PTCD2: variants seen among roughly 807,000 people sequenced by gnomAD.
PTCD2 encodes pentatricopeptide repeat domain 2, also known as pentatricopeptide repeat-containing protein 2, mitochondrial.
PTCD2 carries 31 observed loss-of-function variants against 42.6 expected under a neutral mutation model. That is an observed-to-expected ratio of 0.73 (90% CI 0.55 to 0.98). The LOEUF (loss-of-function observed/expected upper bound fraction) is 0.98, where lower values mean the gene tolerates loss of function less well. Ranked by LOEUF, PTCD2 falls within the 50% of genes least tolerant of loss-of-function variation. PTCD2 has a pLI of 0.00. For missense variants in PTCD2, 476 were observed against 454.8 expected, an observed-to-expected ratio of 1.05 and a Z score of -0.42; for synonymous variants, 183 against 170.9, an observed-to-expected ratio of 1.07 and a Z score of -0.55.
At chr5:72,357,673 T>A (rs1033729174) in intron 9 of PTCD2, among the ~76,000 whole-genome samples, 33 of 152,334 alleles carry the variant, frequency 2.2e-4, no homozygotes, top group Non-Finnish European at 3.7e-4. Context: ...CCTCCTTTAC[T>A]TGGTGTGTTT....
chr5:72,343,912 A>G (rs1296651670), intron 8 of PTCD2, among the ~76,000 whole-genome samples: 1 of 152,174 alleles, frequency 6.6e-6, no homozygotes, highest in Non-Finnish European at 1.5e-5. Context: ...AAAGAAAAAA[A>G]CTTTCAGGAG....
intron 8 of PTCD2, among the ~76,000 whole-genome samples, chr5:72,344,958 A>C (rs1012008060): frequency 6.6e-6 from 1 of 152,198 alleles, no homozygotes; most frequent in African/African-American, 2.4e-5. Context: ...AAAATTGCTA[A>C]TGAAGTTTCG....
chr5:72,322,298 A>G lies in PTCD2; in HGVS notation c.220+34A>G, dbSNP rs758411994. 3.2e-6 allele frequency: 4 copies of G among 1,264,706 alleles called. No individual in the cohort carries two copies. The South Asian group carries it at 3.6e-5, about 11-fold the overall frequency. 78.3% of individuals were successfully genotyped at this position (1,264,706 alleles called of 1,614,324 possible). A position where few individuals can be genotyped will look rare whatever the true frequency, so the allele number is the denominator to read the frequency against. On this transcript the variant is annotated intron_variant, in intron 2 of 9. Transcript: ENST00000380639. ...ATCTATTTTGTTAATTCTGTCATTT[A>G]TCTGTCATTTAAGTTTCTCTGTCTT...
At chr5:72,322,315 C>T (rs777544053) in intron 2 of PTCD2, 51 bp downstream of exon 2, 10 of 1,152,970 alleles carry the variant, frequency 8.7e-6, no homozygotes, top group African/African-American at 1.5e-5. Context: ...ATTTAAGTTT[C>T]TCTGTCTTTA....
chr5:72,358,268 T>C lies in PTCD2; in HGVS notation c.1008T>C (p.Tyr336=). Residue 336 remains tyrosine (Y), a synonymous_variant, in exon 10 of 10, where the codon TAT becomes TAC. Transcript: ENST00000380639. ...TTGTGGCCAAATTTGATGAGATCTA[T>C]GGGACACTGCACATCACTGGCCAGG... ...PALVAKFDEI[Y]GTLHITGQVT... The C allele has an allele frequency of 6.2e-7, 1 of 1,614,138 alleles. No homozygotes were observed. The highest frequency in any genetic ancestry group is 8.5e-7 in the Non-Finnish European group (1 of 1,180,004).
rs1413693549 is a variant in PTCD2, at chr5:72,364,179, A to G, written c.*5752A>G. On this transcript the variant is annotated 3_prime_UTR_variant, in exon 10 of 10. Coordinates refer to ENST00000380639, the MANE Select transcript of PTCD2 (RefSeq NM_024754.5). Reference sequence around the variant, plus strand: ...AAAAAGTGTTCTCAAAAATTAATGGAAATTGGTGTATTCTGATTGAGATAT... The same window carrying G: ...AAAAAGTGTTCTCAAAAATTAATGGGAATTGGTGTATTCTGATTGAGATAT... 1 of 152,250 alleles carries G rather than the reference A, an allele frequency of 6.6e-6. No individual in the cohort carries two copies. Among genetic ancestry groups the G allele is most frequent in the Non-Finnish European group, 1.5e-5 (1 of 68,040 alleles). The allele number at this position is 152,250 out of a possible 1,614,324, so 9.4% of individuals were successfully genotyped here.
chr5:72,345,338 C>T (rs1223257337), intron 8 of PTCD2, among the ~76,000 whole-genome samples: 6 of 152,192 alleles, frequency 3.9e-5, no homozygotes, highest in African/African-American at 1.2e-4. Flanking sequence ...TTGCTGTTAT[C>T]CTGTTCTTTT....
chr5:72,334,316 A>G (rs1372897614), intron 4 of PTCD2, among the ~76,000 whole-genome samples: 1 of 152,364 alleles, frequency 6.6e-6, no homozygotes, highest in Middle Eastern at 3.4e-3. Context: ...TAGTTGTGTG[A>G]GACCCTCCTG....
Position 72,358,328 on chromosome 5 carries a change from C to A in PTCD2, c.1068C>A (p.His356Gln). 1 of 1,614,018 alleles carries A rather than the reference C, an allele frequency of 6.2e-7. No individual in the cohort carries two copies. The highest frequency in any genetic ancestry group is 8.5e-7 in the Non-Finnish European group (1 of 1,179,962). ...ATTCTTTGGATGCTGTGCTCTGCCA[C>A]ACCCCCAGGGACAGGAAATCTCACA... ...TTDSLDAVLC[H>Q]TPRDRKSHTL... is the part of the protein sequence containing the mutation. Residue 356 changes from histidine (H) to glutamine (Q), a missense_variant, in exon 10 of 10, where the codon CAC becomes CAA. Physicochemically the swap from His to Gln is conservative, Grantham distance 24. Transcript: ENST00000380639.
rs749394265 is a variant in PTCD2, at chr5:72,320,397, T to G, written c.15T>G (p.Ser5Arg). 3 of 1,614,108 alleles carry G rather than the reference T, an allele frequency of 1.9e-6. No homozygotes were observed. The highest frequency in any genetic ancestry group is 3.3e-5 in the Admixed American group (2 of 60,030). MVRD[S>R]MAAAFRPSNR... The stretch of plus-strand genomic sequence containing the variant: ...CAGTAGTTGGTATGGTCCGAGACAG[T>G]ATGGCTGCTGCATTTCGGCCCTCGA... The change falls in exon 1 of 10, where the codon AGT becomes AGG. Residue 5 changes from serine to arginine, a missense_variant. Coordinates refer to ENST00000380639, the MANE Select transcript of PTCD2 (RefSeq NM_024754.5).
At chr5:72,329,187 G>C (rs1011921644) in intron 3 of PTCD2, among the ~76,000 whole-genome samples, 1 of 152,106 alleles carries the variant, frequency 6.6e-6, no homozygotes, top group African/African-American at 2.4e-5. Context: ...TTCCTTTACT[G>C]ATGCTAATAA....
intron 8 of PTCD2, among the ~76,000 whole-genome samples, chr5:72,347,983 C>T (rs746452819): frequency 1.3e-5 from 2 of 152,206 alleles, no homozygotes; most frequent in Non-Finnish European, 2.9e-5. Flanking sequence ...GAATCATCCT[C>T]TCTGAACTGC....
chr5:72,330,377 G>A (rs1751382426), intron 3 of PTCD2, among the ~76,000 whole-genome samples: 1 of 152,016 alleles, frequency 6.6e-6, no homozygotes, highest in Non-Finnish European at 1.5e-5. Flanking sequence ...TTTAGCAGAA[G>A]GTAAAAAGTA....
At chr5:72,341,154 C>CT (rs1382116935) in intron 7 of PTCD2, among the ~76,000 whole-genome samples, 2 of 151,892 alleles carry the variant, frequency 1.3e-5, no homozygotes, top group African/African-American at 4.8e-5. Flanking sequence ...GTGTGCCCAG[C>CT]TAAATTTTTG....
chr5:72,339,320 G>C (rs6865133), intron 7 of PTCD2, among the ~76,000 whole-genome samples: 9,055 of 152,248 alleles, frequency 0.059, 857 homozygotes, highest in African/African-American at 0.2. Flanking sequence ...CCTCTCCTGA[G>C]ATTTCCTATT....
intron 6 of PTCD2, among the ~76,000 whole-genome samples, chr5:72,338,129 T>A (rs1231427389): frequency 6.6e-6 from 1 of 152,244 alleles, no homozygotes; most frequent in Non-Finnish European, 1.5e-5. Flanking sequence ...GATTTTTTTT[T>A]AAAGGTTTCT....
chr5:72,354,050 A>G (rs1752745988), intron 9 of PTCD2, among the ~76,000 whole-genome samples: 1 of 152,180 alleles, frequency 6.6e-6, no homozygotes, highest in Non-Finnish European at 1.5e-5. Context: ...AGCAAAGTCA[A>G]GAGGTAAGTA....
intron 2 of PTCD2, among the ~76,000 whole-genome samples, chr5:72,323,617 G>T (rs963474152): frequency 6.6e-6 from 1 of 151,718 alleles, no homozygotes; most frequent in African/African-American, 2.4e-5. Context: ...CCAGATGTTT[G>T]TGAGCTCCTG....
intron 6 of PTCD2, 152 bp from the exon 7 acceptor site, chr5:72,338,470 A>G (rs556325577): frequency 4.9e-6 from 2 of 411,222 alleles, no homozygotes; most frequent in South Asian, 2.0e-4. Flanking sequence ...TGTATTTGCA[A>G]ATAGTCTTTA....
Sources: allele counts gnomAD v4.1 joint callset (sites outside exome capture counted in the v4.1 genomes callset), GRCh38; gene constraint gnomAD v4.1.1; transcripts MANE v1.5; gene names NCBI Gene and HGNC (gene_info 2026-07-23, HGNC 2026-07-21).